The following CCDC7 variants were observed in gnomAD, a reference collection of about 807,000 sequenced individuals.
CCDC7 encodes coiled-coil domain containing 7, also known as coiled-coil domain-containing protein 7.
A neutral mutation model predicts 196.9 loss-of-function variants in CCDC7; 183 were observed. The observed-to-expected ratio is 0.93, with a 90% confidence interval of 0.82 to 1.05. The LOEUF (loss-of-function observed/expected upper bound fraction) is 1.05, where lower values mean the gene tolerates loss of function less well. CCDC7 is among the 50% of genes least tolerant of loss of function. The pLI is 0.00. For synonymous variants in CCDC7, 525 were observed against 484.6 expected (o/e 1.08, Z -1.10); for missense variants, 1,540 against 1,482.2 (o/e 1.04, Z -0.64).
At chr10:32,845,589 G>A in exon 35 of CCDC7, 2 of 1,612,730 alleles carry the variant, frequency 1.2e-6, no homozygotes, top group Non-Finnish European at 1.7e-6. Flanking sequence ...GAGGTCTAAT[G>A]AAGGAGTCAA....
At chr10:32,709,641 T>A (rs1292373231) in intron 24 of CCDC7, among the ~76,000 whole-genome samples, 1 of 152,072 alleles carries the variant, frequency 6.6e-6, no homozygotes, top group Non-Finnish European at 1.5e-5. Flanking sequence ...AAAATACAGA[T>A]GAATCTTCGC....
chr10:32,805,336 T>C (rs1480051864), intron 30 of CCDC7, among the ~76,000 whole-genome samples: 2 of 152,184 alleles, frequency 1.3e-5, no homozygotes, highest in African/African-American at 2.4e-5. Flanking sequence ...AATAATATAG[T>C]ATAGTGAGCT....
At chr10:32,704,227 A>G (rs942599227) in intron 24 of CCDC7, among the ~76,000 whole-genome samples, 2 of 152,090 alleles carry the variant, frequency 1.3e-5, no homozygotes, top group Non-Finnish European at 2.9e-5. Flanking sequence ...TTCCTTCCAC[A>G]GTCAGGACCC....
intron 28 of CCDC7, among the ~76,000 whole-genome samples, chr10:32,764,499 G>T (rs1321475923): frequency 6.6e-6 from 1 of 151,854 alleles, no homozygotes; most frequent in Non-Finnish European, 1.5e-5. Context: ...ATGGAGGTTA[G>T]AAAGGACTGT....
intron 20 of CCDC7, among the ~76,000 whole-genome samples, 166 bp from the exon 22 acceptor site, chr10:32,663,884 TTAAA>T (rs2072060809): frequency 1.3e-5 from 2 of 151,942 alleles, no homozygotes; most frequent in Admixed American, 1.3e-4. Flanking sequence ...CTCAGATCCT[TTAAA>T]GTTCTTGTCA....
chr10:32,547,465 A>G (rs1375304107), intron 13 of CCDC7, among the ~76,000 whole-genome samples: 2 of 152,166 alleles, frequency 1.3e-5, no homozygotes, highest in East Asian at 1.9e-4. Flanking sequence ...GCCATATTCT[A>G]TTGGCCAGAA....
In CCDC7 at chr10:32,869,867, T is replaced by C. The variant is rs1185811562; in HGVS notation, c.4112-6480T>C. Reference sequence around the variant, plus strand: ...TTAAATAGGGAATCCTTTCCCCATTTCTTGTTTTTGTCAGGTTTGTCAAAG... The same window carrying C: ...TTAAATAGGGAATCCTTTCCCCATTCCTTGTTTTTGTCAGGTTTGTCAAAG... On this transcript the variant is annotated intron_variant, in intron 41 of 41. Coordinates refer to ENST00000639629, the Ensembl canonical transcript of CCDC7. Among the ~76,000 whole-genome samples, 4 of 148,914 alleles carry C rather than the reference T, an allele frequency of 2.7e-5. No homozygotes were observed. The East Asian group carries it at 7.8e-4, about 29-fold the overall frequency.
intron 18 of CCDC7, among the ~76,000 whole-genome samples, chr10:32,625,274 T>C (rs1316727648): frequency 6.6e-6 from 1 of 151,772 alleles, no homozygotes; most frequent in Non-Finnish European, 1.5e-5. Context: ...TTTTCTTCAT[T>C]GTGTATTGGT....
At chr10:32,701,238 C>T (rs965637416) in intron 24 of CCDC7, among the ~76,000 whole-genome samples, 1 of 152,130 alleles carries the variant, frequency 6.6e-6, no homozygotes, top group African/African-American at 2.4e-5. Context: ...CCATCAATAC[C>T]TAATTTATTG....
At chr10:32,444,790 CTT>C (rs1225762898), upstream of CCDC7, among the ~76,000 whole-genome samples, 1 of 150,870 alleles carries the variant, frequency 6.6e-6, no homozygotes, top group Non-Finnish European at 1.5e-5. Flanking sequence ...TGTACATTTT[CTT>C]TGTTACTGAC....
chr10:32,625,439 T>TTTTA (rs1321222219), intron 18 of CCDC7, among the ~76,000 whole-genome samples: 16 of 151,634 alleles, frequency 1.1e-4, no homozygotes, highest in African/African-American at 3.6e-4. Flanking sequence ...AATTTTTAAA[T>TTTTA]TTTATTTATT....
chr10:32,721,426 G>A (rs147823896), intron 25 of CCDC7, among the ~76,000 whole-genome samples: 1 of 152,132 alleles, frequency 6.6e-6, no homozygotes, highest in Non-Finnish European at 1.5e-5. Context: ...TGGATCACAA[G>A]GACTCAGGGT....
chr10:32,657,734 C>T (rs562952615), intron 20 of CCDC7, among the ~76,000 whole-genome samples: 3 of 152,282 alleles, frequency 2.0e-5, no homozygotes, highest in South Asian at 2.1e-4. Context: ...ATTAGCTCCT[C>T]GTTACTTATG....
chr10:32,857,295 A>G (rs764491838), intron 41 of CCDC7, among the ~76,000 whole-genome samples: 13 of 152,194 alleles, frequency 8.5e-5, no homozygotes, highest in Non-Finnish European at 1.9e-4. Flanking sequence ...AAAGACCTTC[A>G]GCACTTTCCA....
intron 29 of CCDC7, among the ~76,000 whole-genome samples, chr10:32,791,254 A>G (rs975720078): frequency 6.6e-6 from 1 of 152,156 alleles, no homozygotes; most frequent in East Asian, 1.9e-4. Flanking sequence ...TTTTCAAAAA[A>G]AAAAGCCACT....
At chr10:32,660,029 G>A (rs1416013281) in intron 20 of CCDC7, among the ~76,000 whole-genome samples, 3 of 152,106 alleles carry the variant, frequency 2.0e-5, no homozygotes, top group Admixed American at 6.5e-5. Context: ...GCACATGTAC[G>A]TGCCTGTTTG....
At chr10:32,863,856 A>G (rs1461997352) in intron 41 of CCDC7, among the ~76,000 whole-genome samples, 2 of 150,942 alleles carry the variant, frequency 1.3e-5, no homozygotes, top group African/African-American at 2.4e-5. Context: ...ATTTTTTTGT[A>G]TATTATACCA....
intron 16 of CCDC7, among the ~76,000 whole-genome samples, chr10:32,572,890 T>C (rs1002969628): frequency 0.014 from 1,952 of 136,558 alleles, 105 homozygotes; most frequent in Admixed American, 0.11. Context: ...TTTTTTTTTT[T>C]CTTCAGATGG....
chr10:32,837,292 G>A (rs2092679990), intron 33 of CCDC7, among the ~76,000 whole-genome samples: 1 of 152,188 alleles, frequency 6.6e-6, no homozygotes, highest in South Asian at 2.1e-4. Flanking sequence ...CTCAAAAGAA[G>A]ACATTTATGC....
Sources: allele counts gnomAD v4.1 joint callset (sites outside exome capture counted in the v4.1 genomes callset), GRCh38; gene constraint gnomAD v4.1.1; transcripts MANE v1.5; gene names NCBI Gene and HGNC (gene_info 2026-07-23, HGNC 2026-07-21).